Variants in HEXA observed in about 807,000 individuals in gnomAD.
HEXA encodes beta-hexosaminidase subunit alpha.
A neutral mutation model predicts 73.3 loss-of-function variants in HEXA; 54 were observed. The ratio of observed to expected loss-of-function variants is 0.74; its 90% CI spans 0.59 to 0.92. The LOEUF is 0.92. Ranked by LOEUF, HEXA falls within the 40% of genes least tolerant of loss-of-function variation. The pLI is 0.00. For missense variants in HEXA, 649 were observed against 653.0 expected (o/e 0.99, Z 0.07); for synonymous variants, 230 against 246.9 (o/e 0.93, Z 0.64).
intron 7 of HEXA, 144 bp from the exon 8 acceptor site, chr15:72,349,403 TCA>T (rs2088666135): frequency 5.6e-6 from 4 of 718,578 alleles, no homozygotes; most frequent in Non-Finnish European, 5.1e-6. Context: ...ACTTAGGCAC[TCA>T]CAGACACTGG....
rs398123442 is a variant in HEXA, at chr15:72,353,141, C to T, written c.497G>A (p.Arg166His). The change falls in exon 5 of 14, where the codon CGC (arginine) becomes CAC (histidine). Residue 166 changes from arginine (R) to histidine (H), a missense_variant. By Grantham distance (29) the Arg-to-His change is conservative (BLOSUM62 0). Coordinates refer to ENST00000268097, the MANE Select transcript of HEXA (RefSeq NM_000520.6). ...CAACAGCAAGCCCCGGTGAGGAAAG[C>T]GGGGAAAGTCCTCAATCTCAGTCTT... ...INKTEIEDFP[R>H]FPHRGLLLDT... is the part of the protein sequence containing the mutation. 1.9e-5 allele frequency: 30 copies of T among 1,612,940 alleles called. No homozygotes were observed. Among genetic ancestry groups the T allele is most frequent in the South Asian group, 1.2e-4 (11 of 91,052 alleles).
chr15:72,344,537 T>G (rs185271547), intron 13 of HEXA, among the ~76,000 whole-genome samples: 4 of 152,282 alleles, frequency 2.6e-5, no homozygotes, highest in African/African-American at 7.2e-5. Flanking sequence ...GCTGTAAATA[T>G]GGTGGCACTG....
chr15:72,353,318 C>A, intron 4 of HEXA, 140 bp from the exon 5 acceptor site: 1 of 704,090 alleles, frequency 1.4e-6, no homozygotes, highest in South Asian at 1.5e-5. Context: ...CTAAATGCTC[C>A]CCACCTCTAT....
rs1595798368 is a variant in HEXA, at chr15:72,348,083, C to T, written c.1038G>A (p.Glu346=). ...QDFMRKKGFG[E]DFKQLESFYI... Reference sequence around the variant, plus strand: ...AGAAGGACTCCAGCTGCTTGAAGTCCTCACCGAAGCCTTTCTTCCTCATAA... The same window carrying T: ...AGAAGGACTCCAGCTGCTTGAAGTCTTCACCGAAGCCTTTCTTCCTCATAA... The change falls in exon 9 of 14, where the codon GAG becomes GAA. Residue 346 remains glutamate (E), a synonymous_variant. Transcript: ENST00000268097. 1 of 1,613,950 alleles carries T rather than the reference C, an allele frequency of 6.2e-7. No homozygotes were observed. Among genetic ancestry groups the T allele is most frequent in the Non-Finnish European group, 8.5e-7 (1 of 1,179,790 alleles).
In HEXA at chr15:72,341,709, C is replaced by T. The variant is rs1295118754; in HGVS notation, c.*2368G>A. 1 of 152,204 alleles carries T rather than the reference C, an allele frequency of 6.6e-6. No homozygotes were observed. The highest frequency in any genetic ancestry group is 6.5e-5 in the Admixed American group (1 of 15,280). The allele number at this position is 152,204 out of a possible 1,614,324, so 9.4% of individuals were successfully genotyped here. ...GCAACAGCGATTCTGTTCATTGGAACAGACTGGGTGGTAACTGCAGGCCAC... is the reference window on the plus strand; with the variant it reads ...GCAACAGCGATTCTGTTCATTGGAATAGACTGGGTGGTAACTGCAGGCCAC... On this transcript the variant is annotated 3_prime_UTR_variant, in exon 14 of 14. Coordinates refer to ENST00000268097, the MANE Select transcript of HEXA (RefSeq NM_000520.6).
At chr15:72,344,292 A>T in intron 13 of HEXA, 152 bp from the exon 14 acceptor site, 1 of 689,936 alleles carries the variant, frequency 1.4e-6, no homozygotes, top group Non-Finnish European at 2.6e-6. Flanking sequence ...TCAATTCCAG[A>T]GATTCTCACC....
chr15:72,371,924 T>G (rs758302932), intron 1 of HEXA, among the ~76,000 whole-genome samples: 2 of 152,196 alleles, frequency 1.3e-5, no homozygotes, highest in African/African-American at 2.4e-5. Context: ...GCAGGATTAT[T>G]CTGTTGAAGG....
chr15:72,353,825 T>C (rs1426290231), intron 3 of HEXA, 88 bp from the exon 4 acceptor site: 2 of 981,240 alleles, frequency 2.0e-6, no homozygotes, highest in African/African-American at 3.2e-5. Context: ...TAGCAGAGCA[T>C]AACATTTGGG....
In HEXA at chr15:72,343,229, A is replaced by T. The variant is rs11072359; in HGVS notation, c.*848T>A. 7,765 of 151,706 alleles carry T rather than the reference A, an allele frequency of 0.051. 257 individuals are homozygous for T. Among genetic ancestry groups the T allele is most frequent in the East Asian group, 0.16 (820 of 5,108 alleles). 9.4% of individuals were successfully genotyped at this position (151,706 alleles called of 1,614,324 possible). ...GTGAGACTCCGTCTCAGAAAAAAAA[A>T]ATATATATATATGAATTAGATGGAC... is the stretch of plus-strand genomic sequence containing the variant. On this transcript the variant is annotated 3_prime_UTR_variant, in exon 14 of 14. Transcript: ENST00000268097.
intron 4 of HEXA, among the ~76,000 whole-genome samples, chr15:72,353,427 C>T (rs1400081075): frequency 2.0e-5 from 3 of 152,176 alleles, no homozygotes; most frequent in Non-Finnish European, 4.4e-5. Flanking sequence ...TCTGGATTTT[C>T]CTGTTAACAT....
intron 1 of HEXA, among the ~76,000 whole-genome samples, chr15:72,368,548 C>T (rs1446644293): frequency 6.6e-6 from 1 of 152,212 alleles, no homozygotes; most frequent in South Asian, 2.1e-4. Context: ...CCGTGTTCTA[C>T]TTCCCTTTTC....
intron 5 of HEXA, chr15:72,351,466 T>A (rs2088695413): frequency 3.4e-6 from 2 of 595,038 alleles, no homozygotes; most frequent in Middle Eastern, 4.5e-4. Context: ...CAAAGATGGA[T>A]GATAGAAGTG....
At chr15:72,347,827 T>C in intron 9 of HEXA, 69 bp from the exon 10 acceptor site, 1 of 1,456,702 alleles carries the variant, frequency 6.9e-7, no homozygotes, top group Non-Finnish European at 9.6e-7. Flanking sequence ...TTTGTGCCAG[T>C]GCTCTAGGGG....
intron 6 of HEXA, 40 bp downstream of exon 6, chr15:72,351,093 A>T (rs759062735): frequency 1.6e-6 from 2 of 1,289,184 alleles, no homozygotes; most frequent in East Asian, 4.6e-5. Flanking sequence ...AGATTCAGAC[A>T]TTGACCCATA....
chr15:72,365,240 C>T (rs2088901276), intron 1 of HEXA, among the ~76,000 whole-genome samples: 1 of 152,312 alleles, frequency 6.6e-6, no homozygotes, highest in Admixed American at 6.5e-5. Context: ...CAGGCGCACG[C>T]CACCGTGCCC....
intron 1 of HEXA, among the ~76,000 whole-genome samples, chr15:72,366,198 C>T (rs140566833): frequency 6.6e-6 from 1 of 152,336 alleles, no homozygotes; most frequent in East Asian, 1.9e-4. Context: ...CATTCCACCA[C>T]CACCAAGTAA....
chr15:72,366,040 CTTAA>C (rs2088912344), intron 1 of HEXA, among the ~76,000 whole-genome samples: 2 of 152,210 alleles, frequency 1.3e-5, no homozygotes, highest in South Asian at 4.1e-4. Context: ...TGTGTAGTTA[CTTAA>C]TTACTCAGCC....
intron 1 of HEXA, among the ~76,000 whole-genome samples, chr15:72,364,166 A>C (rs2088887844): frequency 6.6e-6 from 1 of 152,076 alleles, no homozygotes; most frequent in Non-Finnish European, 1.5e-5. Context: ...GCTACTTGGG[A>C]GGCTGCGGCA....
chr15:72,362,629 A>C (rs990929682), intron 1 of HEXA, among the ~76,000 whole-genome samples: 2 of 152,328 alleles, frequency 1.3e-5, no homozygotes, highest in Middle Eastern at 6.8e-3. Flanking sequence ...TGCTAAGAAG[A>C]CGCCCAGACT....
Sources: allele counts gnomAD v4.1 joint callset (sites outside exome capture counted in the v4.1 genomes callset), GRCh38; gene constraint gnomAD v4.1.1; transcripts MANE v1.5; gene names NCBI Gene and HGNC (gene_info 2026-07-23, HGNC 2026-07-21).